Variants in EN2 observed in about 807,000 individuals in gnomAD.
The protein encoded by EN2 is homeobox protein engrailed-2.
Under a neutral mutation model 25.0 loss-of-function variants are expected in EN2, and 7 were observed. The observed-to-expected ratio is 0.28, with a 90% CI of 0.16 to 0.53. The LOEUF is 0.53. Among genes scored for constraint, EN2 ranks in the 20% least tolerant of loss-of-function variants. EN2 has a pLI of 0.96. For synonymous variants in EN2, 277 were observed against 243.3 expected (o/e 1.14, Z -1.29); for missense variants, 524 against 501.8 (o/e 1.04, Z -0.42).
At chr7:155,461,162 G>T (rs756548738) in intron 1 of EN2, among the ~76,000 whole-genome samples, 8 of 152,150 alleles carry the variant, frequency 5.3e-5, no homozygotes, top group African/African-American at 1.9e-4. Context: ...GCAGCTCTCC[G>T]GCCCTGAAGG....
Position 155,458,792 on chromosome 7 carries a change from G to C in EN2, c.415G>C (p.Ala139Pro). The change falls in exon 1 of 2, where the codon GCG becomes CCG. Residue 139 changes from alanine (A) to proline (P), a missense_variant. Transcript: ENST00000297375. ...GCAGAACCCGCCATGTGCGCCCGGC[G>C]CGGGCGGGCCGCTCCCAGCCGCCGG... is the stretch of plus-strand genomic sequence containing the variant. The part of the protein sequence containing the change: ...PRQNPPCAPG[A>P]GGPLPAAGSD... The C allele has an allele frequency of 7.2e-7, 1 of 1,390,558 alleles. No homozygotes were observed. The allele number at this position is 1,390,558 out of a possible 1,614,324, so 86.1% of individuals were successfully genotyped here. A position where few individuals can be genotyped will look rare whatever the true frequency, so the allele number is the denominator to read the frequency against.
rs1455593222 is a variant in EN2 at position 155,458,195 on chromosome 7, G to A, written c.-183G>A. 3 of 713,204 alleles carry A rather than the reference G, an allele frequency of 4.2e-6. No individual in the cohort carries two copies. The highest frequency in any genetic ancestry group is 1.9e-5 in the African/African-American group (1 of 54,018). The allele number at this position is 713,204 out of a possible 1,614,324, so 44.2% of individuals were successfully genotyped here. On this transcript the variant is annotated 5_prime_UTR_variant, in exon 1 of 2. Transcript: ENST00000297375. The stretch of plus-strand genomic sequence containing the variant: ...TAACCCAGTTCGTGGATTCAAAGGT[G>A]GCTCCGCGCCGAGCGCGGCCGGCGA...
At position 155,458,919 on chromosome 7, in the gene EN2, T is replaced by C. The variant is rs1288236242; in HGVS notation, c.542T>C (p.Leu181Pro). The C allele has an allele frequency of 6.6e-7, 1 of 1,515,450 alleles. No homozygotes were observed. Among genetic ancestry groups the C allele is most frequent in the Non-Finnish European group, 8.8e-7 (1 of 1,139,148 alleles). 93.9% of individuals were successfully genotyped at this position (1,515,450 alleles called of 1,614,324 possible). The change falls in exon 1 of 2, where the codon CTC becomes CCC. Residue 181 changes from leucine (L) to proline (P), a missense_variant. Physicochemically the swap from Leu to Pro is moderately conservative, Grantham distance 98 (BLOSUM62 -3). Transcript: ENST00000297375. Reference protein sequence around the residue: ...GDPGGPLDGSLKARGLGGGDL... With the variant: ...GDPGGPLDGSPKARGLGGGDL... Reference sequence around the variant, plus strand: ...CCCGGCGGCCCCCTGGACGGGTCGCTCAAGGCCCGCGGCTTGGGCGGCGGC... The same window carrying C: ...CCCGGCGGCCCCCTGGACGGGTCGCCCAAGGCCCGCGGCTTGGGCGGCGGC...
intron 1 of EN2, among the ~76,000 whole-genome samples, chr7:155,460,404 GTTC>G (rs1795681579): frequency 6.6e-6 from 1 of 152,142 alleles, no homozygotes; most frequent in South Asian, 2.1e-4. Flanking sequence ...TAATGTTTCT[GTTC>G]TTTGGTTTCT....
rs1404661928 is a variant in EN2 at position 155,458,504 on chromosome 7, G to C, written c.127G>C (p.Gly43Arg). Residue 43 changes from glycine (G) to arginine (R), a missense_variant, in exon 1 of 2, where the codon GGG becomes CGG. Gly to Arg is a moderately radical substitution (Grantham distance 125, BLOSUM62 -2). Transcript: ENST00000297375. ...TAGCAGCCCGGGCGAAGCGGACACCGGGCGCCGGCGGGCTCTGATGCTGCC... is the reference window on the plus strand; with the variant it reads ...TAGCAGCCCGGGCGAAGCGGACACCCGGCGCCGGCGGGCTCTGATGCTGCC... ...GGSSPGEADT[G>R]RRRALMLPAV... The C allele has an allele frequency of 3.8e-5, 50 of 1,320,940 alleles. No homozygotes were observed. The highest frequency in any genetic ancestry group is 4.6e-5 in the Non-Finnish European group (48 of 1,033,874). 81.8% of individuals were successfully genotyped at this position (1,320,940 alleles called of 1,614,324 possible).
chr7:155,458,973 G>T lies in EN2; in HGVS notation c.596G>T (p.Ser199Ile). Residue 199 changes from serine to isoleucine, a missense_variant, in exon 1 of 2, where the codon AGC becomes ATC. Transcript: ENST00000297375. The stretch of plus-strand genomic sequence containing the variant: ...CTGTCGGTGAGCTCGGACTCGGACA[G>T]CTCGCAAGCCGGCGCCAACCTGGGC... ...GDLSVSSDSD[S>I]SQAGANLGAQ... 1.3e-6 allele frequency: 2 copies of T among 1,542,726 alleles called. No individual in the cohort carries two copies. The highest frequency in any genetic ancestry group is 1.7e-6 in the Non-Finnish European group (2 of 1,154,242).
In EN2 at chr7:155,458,837, G is replaced by T. The variant is rs1024232626; in HGVS notation, c.460G>T (p.Gly154Trp). 2.0e-6 allele frequency: 3 copies of T among 1,470,734 alleles called. No individual in the cohort carries two copies. Among genetic ancestry groups the T allele is most frequent in the African/African-American group, 3.0e-5 (2 of 67,630 alleles). The allele number at this position is 1,470,734 out of a possible 1,614,324, so 91.1% of individuals were successfully genotyped here. ...CGCCGGCAGCGACTCTCCGGGTGAC[G>T]GGGAAGGCGGCTCCAAGACGCTCTC... Reference protein sequence around the residue: ...PAAGSDSPGDGEGGSKTLSLH... With the variant: ...PAAGSDSPGDWEGGSKTLSLH... The change falls in exon 1 of 2, where the codon GGG (glycine) becomes TGG (tryptophan). Residue 154 changes from glycine (G) to tryptophan (W), a missense_variant. Physicochemically the swap from Gly to Trp is radical, Grantham distance 184. Transcript: ENST00000297375.
chr7:155,462,295 G>C, intron 1 of EN2, 76 bp from the exon 2 acceptor site: 1 of 1,507,798 alleles, frequency 6.6e-7, no homozygotes, highest in Non-Finnish European at 8.9e-7. Flanking sequence ...TGGGGCCCCA[G>C]AATCCTTACC....
Position 155,464,008 on chromosome 7 carries a change from ACACACACAC to A in EN2, c.*1322_*1330del, listed in dbSNP as rs1329374003. 1 of 132,306 alleles carries A rather than the reference ACACACACAC, an allele frequency of 7.6e-6. No homozygotes were observed. The highest frequency in any genetic ancestry group is 1.7e-5 in the Non-Finnish European group (1 of 57,426). 8.2% of individuals were successfully genotyped at this position (132,306 alleles called of 1,614,324 possible). Reference sequence around the variant, plus strand: ...TGCATGCATGTGAACACACACACACACACACACACACCAGGCGTGTTTGAGTCCACAGTT... The same window carrying A: ...TGCATGCATGTGAACACACACACACAACCAGGCGTGTTTGAGTCCACAGTT... On this transcript the variant is annotated 3_prime_UTR_variant, in exon 2 of 2. Coordinates refer to ENST00000297375, the MANE Select transcript of EN2 (RefSeq NM_001427.4).
intron 1 of EN2, among the ~76,000 whole-genome samples, chr7:155,459,582 C>G (rs1010145651): frequency 6.6e-6 from 1 of 152,260 alleles, no homozygotes; most frequent in African/African-American, 2.4e-5. Context: ...GAAGAAAAGG[C>G]GAGGCCCTTT....
In EN2 at chr7:155,458,982, C is replaced by T. The variant is rs943658018; in HGVS notation, c.605C>T (p.Ala202Val). The T allele has an allele frequency of 2.6e-6, 4 of 1,550,654 alleles. No homozygotes were observed. Among genetic ancestry groups the T allele is most frequent in the Non-Finnish European group, 3.5e-6 (4 of 1,158,734 alleles). ...AGCTCGGACTCGGACAGCTCGCAAGCCGGCGCCAACCTGGGCGCGCAGCCC... is the reference window on the plus strand; with the variant it reads ...AGCTCGGACTCGGACAGCTCGCAAGTCGGCGCCAACCTGGGCGCGCAGCCC... ...SVSSDSDSSQ[A>V]GANLGAQPML... Residue 202 changes from alanine (A) to valine (V), a missense_variant, in exon 1 of 2, where the codon GCC becomes GTC. Transcript: ENST00000297375.
chr7:155,459,089 G>A, intron 1 of EN2, 27 bp downstream of exon 1: 1 of 1,541,094 alleles, frequency 6.5e-7, no homozygotes, highest in Non-Finnish European at 8.7e-7. Flanking sequence ...CACGCGTCCC[G>A]GCTCGCCGCG....
Position 155,463,225 on chromosome 7 carries a change from C to G in EN2, c.*538C>G, listed in dbSNP as rs1045193100. The G allele has an allele frequency of 2.0e-5, 3 of 153,264 alleles. No individual in the cohort carries two copies. The highest frequency in any genetic ancestry group is 7.2e-5 in the African/African-American group (3 of 41,440). The allele number at this position is 153,264 out of a possible 1,614,324, so 9.5% of individuals were successfully genotyped here. ...TCAAGGCCTTGGGGAGCTTAGGGGA[C>G]CTGGTGGGAGAGAGGGGACTTCCAG... On this transcript the variant is annotated 3_prime_UTR_variant, in exon 2 of 2. Transcript: ENST00000297375.
intron 1 of EN2, among the ~76,000 whole-genome samples, chr7:155,460,716 C>T (rs965420347): frequency 1.3e-5 from 2 of 152,016 alleles, no homozygotes; most frequent in African/African-American, 4.8e-5. Context: ...GTGCCCCATC[C>T]CCCACCACCG....
At position 155,464,025 on chromosome 7, in the gene EN2, G is replaced by A. The variant is rs1170962215; in HGVS notation, c.*1338G>A. 2.0e-5 allele frequency: 3 copies of A among 150,128 alleles called. No homozygotes were observed. Among genetic ancestry groups the A allele is most frequent in the South Asian group, 2.1e-4 (1 of 4,750 alleles). The allele number at this position is 150,128 out of a possible 1,614,324, so 9.3% of individuals were successfully genotyped here. A position where few individuals can be genotyped will look rare whatever the true frequency, so the allele number is the denominator to read the frequency against. Reference sequence around the variant, plus strand: ...ACACACACACACACACACACCAGGCGTGTTTGAGTCCACAGTTCTGAAACA... The same window carrying A: ...ACACACACACACACACACACCAGGCATGTTTGAGTCCACAGTTCTGAAACA... On this transcript the variant is annotated 3_prime_UTR_variant, in exon 2 of 2. Coordinates refer to ENST00000297375, the MANE Select transcript of EN2 (RefSeq NM_001427.4).
At position 155,460,831 on chromosome 7, in the gene EN2, C is replaced by T. The variant is rs116537107; in HGVS notation, c.686-1540C>T. Among the ~76,000 whole-genome samples, 1,044 of 152,348 alleles carry T rather than the reference C, an allele frequency of 6.9e-3. 9 individuals are homozygous for T. Among genetic ancestry groups the T allele is most frequent in the African/African-American group, 0.024 (1,001 of 41,576 alleles). ...GAGCAAGACAGGCACTGAGTGTGTA[C>T]GTGTGCATGGGGTGGGTGCCCAAGT... On this transcript the variant is annotated intron_variant, in intron 1 of 1. Transcript: ENST00000297375.
chr7:155,458,683 C>T lies in EN2; in HGVS notation c.306C>T (p.Gly102=), dbSNP rs1367128063. ...AGGGRGGGAG[G]EGGASGAEGG... is the part of the protein sequence containing the mutation. ...GAGGAAGGGGCGGCGGAGCCGGCGG[C>T]GAAGGCGGCGCGAGCGGTGCGGAGG... The change falls in exon 1 of 2, where the codon GGC becomes GGT. Residue 102 remains glycine (G), a synonymous_variant. Transcript: ENST00000297375. 3.0e-6 allele frequency: 4 copies of T among 1,343,952 alleles called. No individual in the cohort carries two copies. In the African/African-American group the frequency reaches 4.6e-5, roughly 16 times the overall value. The allele number at this position is 1,343,952 out of a possible 1,614,324, so 83.3% of individuals were successfully genotyped here.
chr7:155,461,642 T>A (rs1221456148), intron 1 of EN2, among the ~76,000 whole-genome samples: 2 of 152,014 alleles, frequency 1.3e-5, no homozygotes, highest in African/African-American at 4.8e-5. Flanking sequence ...TAGAGCCAGG[T>A]CCCCTCTCCT....
intron 1 of EN2, among the ~76,000 whole-genome samples, chr7:155,460,320 C>T (rs1412069527): frequency 1.3e-5 from 2 of 152,156 alleles, no homozygotes; most frequent in Admixed American, 6.5e-5. Flanking sequence ...CACCGCCCGG[C>T]CCGGCCTGGC....
Sources: allele counts gnomAD v4.1 joint callset (sites outside exome capture counted in the v4.1 genomes callset), GRCh38; gene constraint gnomAD v4.1.1; transcripts MANE v1.5; gene names NCBI Gene and HGNC (gene_info 2026-07-23, HGNC 2026-07-21).